Variants in LRMDA observed in about 807,000 individuals in gnomAD.
The protein encoded by LRMDA is leucine rich melanocyte differentiation associated, also known as leucine-rich melanocyte differentiation-associated protein.
A neutral mutation model predicts 29.8 loss-of-function variants in LRMDA; 18 were observed. The observed-to-expected ratio is 0.60, with a 90% confidence interval of 0.42 to 0.90. The LOEUF (loss-of-function observed/expected upper bound fraction) is 0.90. LRMDA is among the 40% of genes least tolerant of loss of function. The pLI is 0.00. For missense variants in LRMDA, 273 were observed against 273.9 expected (o/e 1.00, Z 0.02); for synonymous variants, 125 against 109.4 (o/e 1.14, Z -0.89).
chr10:75,608,139 T>C lies in LRMDA; in HGVS notation c.131+169645T>C, dbSNP rs1366754298. ...ATATATATATATATATACACACACA[T>C]ACACAAAGCAATATTATTCCACCTT... On this transcript the variant is annotated intron_variant, in intron 2 of 6. Coordinates refer to ENST00000611255, the MANE Select transcript of LRMDA (RefSeq NM_001305581.2). 4.5e-4 allele frequency among the ~76,000 whole-genome samples: 64 copies of C among 143,628 alleles called. No individual in the cohort carries two copies. The East Asian group carries it at 9.7e-3, about 22-fold the overall frequency. 94.2% of individuals were successfully genotyped at this position (143,628 alleles called of 152,430 possible). A position where few individuals can be genotyped will look rare whatever the true frequency, so the allele number is the denominator to read the frequency against.
chr10:76,453,450 A>G (rs1352510098), intron 6 of LRMDA, among the ~76,000 whole-genome samples: 1 of 152,198 alleles, frequency 6.6e-6, no homozygotes, highest in Non-Finnish European at 1.5e-5. Flanking sequence ...ATGTATTCCC[A>G]AGACTTTCAA....
In LRMDA at chr10:76,559,555, G is replaced by A. The variant is rs184018068; in HGVS notation, c.*2267G>A. 2 of 152,340 alleles carry A rather than the reference G, an allele frequency of 1.3e-5. No individual in the cohort carries two copies. The highest frequency in any genetic ancestry group is 4.8e-5 in the African/African-American group (2 of 41,584). 9.4% of individuals were successfully genotyped at this position (152,340 alleles called of 1,614,324 possible). A position where few individuals can be genotyped will look rare whatever the true frequency, so the allele number is the denominator to read the frequency against. On this transcript the variant is annotated 3_prime_UTR_variant, in exon 7 of 7. Coordinates refer to ENST00000611255, the MANE Select transcript of LRMDA (RefSeq NM_001305581.2). ...GTGCTGGGTTGGTTACAGTTCCACT[G>A]TGTGTTAACCAAAATTTGCTGTGCT...
At chr10:76,065,576 T>C (rs1848770501) in intron 5 of LRMDA, among the ~76,000 whole-genome samples, 2 of 152,246 alleles carry the variant, frequency 1.3e-5, no homozygotes, top group Non-Finnish European at 2.9e-5. Context: ...TGTCCAAAGA[T>C]GCTTAGATGG....
At chr10:75,692,460 TATACACAC>T (rs908474013) in intron 2 of LRMDA, among the ~76,000 whole-genome samples, 49 of 150,954 alleles carry the variant, frequency 3.2e-4, no homozygotes, top group Middle Eastern at 3.4e-3. Flanking sequence ...TATACAAGTG[TATACACAC>T]ATACACATAC....
intron 5 of LRMDA, among the ~76,000 whole-genome samples, chr10:76,146,730 G>A (rs564169892): frequency 6.6e-6 from 1 of 152,152 alleles, no homozygotes; most frequent in Non-Finnish European, 1.5e-5. Context: ...CTGTCATTAT[G>A]ATGTTAGCTG....
At chr10:76,289,595 G>C (rs1340603001) in intron 5 of LRMDA, among the ~76,000 whole-genome samples, 1 of 152,144 alleles carries the variant, frequency 6.6e-6, no homozygotes, top group Admixed American at 6.5e-5. Flanking sequence ...GGCGATATTT[G>C]GATAGATCCT....
At chr10:76,428,558 A>G (rs1842154903) in intron 6 of LRMDA, among the ~76,000 whole-genome samples, 1 of 152,128 alleles carries the variant, frequency 6.6e-6, no homozygotes, top group African/African-American at 2.4e-5. Context: ...AAACACAGAG[A>G]CTTGGCCTAG....
At chr10:75,997,806 T>G (rs946545574) in intron 2 of LRMDA, among the ~76,000 whole-genome samples, 1 of 152,182 alleles carries the variant, frequency 6.6e-6, no homozygotes, top group Non-Finnish European at 1.5e-5. Flanking sequence ...CCTATTTGAC[T>G]GTGGTTTGTG....
intron 2 of LRMDA, among the ~76,000 whole-genome samples, chr10:75,560,598 C>A (rs982585163): frequency 1.3e-5 from 2 of 151,578 alleles, no homozygotes; most frequent in Non-Finnish European, 2.9e-5. Context: ...GAGAGGGCAT[C>A]CTTGTCTTGT....
chr10:76,549,584 C>T (rs1292265314), intron 6 of LRMDA, among the ~76,000 whole-genome samples: 1 of 152,186 alleles, frequency 6.6e-6, no homozygotes, highest in Non-Finnish European at 1.5e-5. Context: ...TAGAAGACAG[C>T]ATATCAGAAC....
At chr10:76,469,292 C>G (rs1344446792) in intron 6 of LRMDA, among the ~76,000 whole-genome samples, 1 of 152,120 alleles carries the variant, frequency 6.6e-6, no homozygotes, top group African/African-American at 2.4e-5. Context: ...TTCTTATTCC[C>G]TCCGACTCTG....
At chr10:75,933,549 A>T (rs537307892) in intron 2 of LRMDA, among the ~76,000 whole-genome samples, 9 of 152,114 alleles carry the variant, frequency 5.9e-5, no homozygotes, top group Non-Finnish European at 1.3e-4. Flanking sequence ...TCAGAGTGCA[A>T]TGTATGTCCC....
chr10:75,468,327 T>A (rs1844683993), intron 2 of LRMDA, among the ~76,000 whole-genome samples: 1 of 152,092 alleles, frequency 6.6e-6, no homozygotes, highest in South Asian at 2.1e-4. Context: ...TATCAAAGGA[T>A]GTAAAAAGAA....
intron 5 of LRMDA, among the ~76,000 whole-genome samples, chr10:76,314,383 T>C (rs1287780522): frequency 6.6e-6 from 1 of 152,164 alleles, no homozygotes; most frequent in East Asian, 1.9e-4. Context: ...CACAACATTC[T>C]TTTAGGTTCT....
chr10:76,370,674 T>C (rs1841443724), intron 6 of LRMDA, among the ~76,000 whole-genome samples: 1 of 152,186 alleles, frequency 6.6e-6, no homozygotes, highest in African/African-American at 2.4e-5. Context: ...TATTTTATTA[T>C]TATTATTGTA....
At chr10:76,284,141 T>C (rs1840241465) in intron 5 of LRMDA, among the ~76,000 whole-genome samples, 1 of 152,212 alleles carries the variant, frequency 6.6e-6, no homozygotes. Flanking sequence ...ATCATCCGAA[T>C]ATGTCCATGT....
chr10:75,650,866 C>T (rs1479775261), intron 2 of LRMDA, among the ~76,000 whole-genome samples: 1 of 152,104 alleles, frequency 6.6e-6, no homozygotes, highest in Non-Finnish European at 1.5e-5. Flanking sequence ...AAAGGATGAG[C>T]CCCCATGGTG....
At chr10:75,899,997 T>A (rs1801125386) in intron 2 of LRMDA, among the ~76,000 whole-genome samples, 1 of 152,230 alleles carries the variant, frequency 6.6e-6, no homozygotes, top group Non-Finnish European at 1.5e-5. Flanking sequence ...CTTTGATGTG[T>A]GTGAGCCTTG....
At chr10:75,925,250 A>T (rs748802592) in intron 2 of LRMDA, among the ~76,000 whole-genome samples, 3 of 152,040 alleles carry the variant, frequency 2.0e-5, no homozygotes, top group Non-Finnish European at 4.4e-5. Flanking sequence ...TGAATAATTT[A>T]TTATTCCTTC....
Sources: allele counts gnomAD v4.1 joint callset (sites outside exome capture counted in the v4.1 genomes callset), GRCh38; gene constraint gnomAD v4.1.1; transcripts MANE v1.5; gene names NCBI Gene and HGNC (gene_info 2026-07-23, HGNC 2026-07-21).